The following EYS variants were observed in gnomAD, a reference collection of about 807,000 sequenced individuals.
EYS encodes the protein EGF-like photoreceptor maintenance factor.
EYS carries 250 observed loss-of-function variants against 282.1 expected under a neutral mutation model. The observed-to-expected ratio is 0.89, with a 90% CI of 0.80 to 0.98. The LOEUF (loss-of-function observed/expected upper bound fraction) is 0.98. EYS is among the 50% of genes least tolerant of loss of function. The probability of loss-of-function intolerance (pLI) is 0.00; values close to 1 mark genes in which losing one functional copy is unlikely to be tolerated. For missense variants in EYS, 4,016 were observed against 3,709.0 expected (o/e 1.08, Z -2.15); for synonymous variants, 1,355 against 1,282.9 (o/e 1.06, Z -1.20).
At chr6:64,014,741 C>G (rs1768804618) in intron 33 of EYS, among the ~76,000 whole-genome samples, 1 of 151,514 alleles carries the variant, frequency 6.6e-6, no homozygotes, top group Admixed American at 6.6e-5. Flanking sequence ...AGCACACAGT[C>G]TAAATATCCT....
At chr6:64,298,185 T>C (rs1316229999) in intron 30 of EYS, among the ~76,000 whole-genome samples, 1 of 152,156 alleles carries the variant, frequency 6.6e-6, no homozygotes, top group African/African-American at 2.4e-5. Context: ...TTAAATGGCT[T>C]ATAATGCACT....
At chr6:63,996,582 A>T (rs1198450621) in intron 34 of EYS, among the ~76,000 whole-genome samples, 2 of 152,118 alleles carry the variant, frequency 1.3e-5, no homozygotes, top group Non-Finnish European at 2.9e-5. Flanking sequence ...AAAAAAAAGA[A>T]AACATCATAT....
chr6:64,961,769 T>A (rs556500002), intron 14 of EYS, among the ~76,000 whole-genome samples: 5 of 152,146 alleles, frequency 3.3e-5, no homozygotes, highest in Non-Finnish European at 7.4e-5. Context: ...TGAGTTGCAA[T>A]TCAGCTTCTG....
chr6:65,654,872 A>ATTTG (rs1767765288), intron 1 of EYS, among the ~76,000 whole-genome samples: 1 of 151,198 alleles, frequency 6.6e-6, no homozygotes, highest in African/African-American at 2.4e-5. Flanking sequence ...AACTATGGTA[A>ATTTG]TTTGTTTTTA....
At chr6:63,843,906 A>G (rs1461255619) in intron 36 of EYS, among the ~76,000 whole-genome samples, 2 of 152,200 alleles carry the variant, frequency 1.3e-5, no homozygotes, top group Admixed American at 6.5e-5. Flanking sequence ...GGTTTGTTAC[A>G]TAGGTAAACA....
intron 2 of EYS, among the ~76,000 whole-genome samples, chr6:65,549,317 G>T (rs1228110423): frequency 7.5e-6 from 1 of 133,848 alleles, no homozygotes; most frequent in Non-Finnish European, 1.6e-5. Flanking sequence ...CCCATGGGGA[G>T]AACTGGAGAT....
intron 30 of EYS, among the ~76,000 whole-genome samples, chr6:64,303,926 T>A (rs1769335972): frequency 2.0e-5 from 3 of 151,378 alleles, no homozygotes; most frequent in Admixed American, 2.0e-4. Context: ...TAGCTTAAAG[T>A]ACATACAAAG....
At chr6:65,155,472 T>G (rs1764710366) in intron 12 of EYS, among the ~76,000 whole-genome samples, 1 of 151,490 alleles carries the variant, frequency 6.6e-6, no homozygotes, top group Non-Finnish European at 1.5e-5. Context: ...ATTAGTAGAA[T>G]TTTCTCCTGA....
intron 22 of EYS, among the ~76,000 whole-genome samples, chr6:64,722,536 A>G (rs1771619775): frequency 6.6e-6 from 1 of 151,954 alleles, no homozygotes; most frequent in South Asian, 2.1e-4. Flanking sequence ...AAAACCAGAA[A>G]CTAACCCATC....
chr6:64,953,999 T>C (rs1310376035), intron 14 of EYS, among the ~76,000 whole-genome samples: 1 of 51,596 alleles, frequency 1.9e-5, no homozygotes, highest in South Asian at 6.1e-4. Context: ...ATTATACTTT[T>C]CATTAGTAAC....
At chr6:64,640,705 AACTT>A (rs1287784748) in intron 22 of EYS, among the ~76,000 whole-genome samples, 36 of 152,314 alleles carry the variant, frequency 2.4e-4, no homozygotes, top group Admixed American at 2.2e-3. Flanking sequence ...TGTACCCTAA[AACTT>A]AAAGTATAAT....
intron 29 of EYS, among the ~76,000 whole-genome samples, chr6:64,380,048 G>C (rs1314571087): frequency 6.6e-6 from 1 of 151,912 alleles, no homozygotes; most frequent in Non-Finnish European, 1.5e-5. Flanking sequence ...TCTGGGAAAA[G>C]AATATAAATT....
chr6:64,902,630 A>C, intron 16 of EYS, 130 bp from the exon 17 acceptor site: 1 of 548,444 alleles, frequency 1.8e-6, no homozygotes, highest in Non-Finnish European at 3.1e-6. Flanking sequence ...AATTACTCTC[A>C]AGCTTCTCAT....
chr6:65,094,116 G>A (rs1157342638), intron 12 of EYS, among the ~76,000 whole-genome samples: 2 of 151,236 alleles, frequency 1.3e-5, no homozygotes, highest in Non-Finnish European at 3.0e-5. Flanking sequence ...ACTTTCACAG[G>A]AAACAAAGAA....
chr6:64,944,874 A>G (rs1769223137), intron 15 of EYS, among the ~76,000 whole-genome samples: 1 of 152,114 alleles, frequency 6.6e-6, no homozygotes, highest in African/African-American at 2.4e-5. Context: ...TTGGGTGGAG[A>G]GAAACATAAA....
intron 2 of EYS, among the ~76,000 whole-genome samples, chr6:65,611,017 T>G (rs761775782): frequency 6.6e-6 from 1 of 152,112 alleles, no homozygotes; most frequent in Non-Finnish European, 1.5e-5. Flanking sequence ...TCATATAAAT[T>G]TAACTAAATG....
intron 26 of EYS, among the ~76,000 whole-genome samples, chr6:64,487,713 T>C (rs957705568): frequency 6.6e-6 from 1 of 151,044 alleles, no homozygotes; most frequent in African/African-American, 2.4e-5. Flanking sequence ...TATTTACATA[T>C]GTTATTTTTT....
intron 31 of EYS, among the ~76,000 whole-genome samples, chr6:64,120,034 T>C (rs1475076019): frequency 6.6e-6 from 1 of 152,150 alleles, no homozygotes; most frequent in Non-Finnish European, 1.5e-5. Context: ...ATTGTGTTTT[T>C]TTAAGTCATT....
chr6:65,402,525 C>G lies in EYS; in HGVS notation c.1137G>C (p.Leu379Phe), dbSNP rs765479304. 2 of 1,549,638 alleles carry G rather than the reference C, an allele frequency of 1.3e-6. No individual in the cohort carries two copies. The highest frequency in any genetic ancestry group is 1.8e-6 in the Non-Finnish European group (2 of 1,122,398). Reference sequence around the variant, plus strand: ...ATTTCTTACATGTAGCATTATTCCTCAAAGGAAATGACTCACATGATGTTT... The same window carrying G: ...ATTTCTTACATGTAGCATTATTCCTGAAAGGAAATGACTCACATGATGTTT... ...SIQTSCESFP[L>F]RNNATCKKCE... The change falls in exon 7 of 43, where the codon TTG (leucine) becomes TTC (phenylalanine). Residue 379 changes from leucine to phenylalanine, a missense_variant. Leu to Phe is a conservative substitution (Grantham distance 22, BLOSUM62 0). Coordinates refer to ENST00000503581, the MANE Select transcript of EYS (RefSeq NM_001142800.2).
Sources: gnomAD v4.1 joint callset for allele counts (sites outside exome capture counted in the v4.1 genomes callset) on GRCh38, gnomAD v4.1.1 for gene constraint, MANE v1.5 for transcripts, NCBI Gene and HGNC (gene_info 2026-07-23, HGNC 2026-07-21) for gene names.